SLC17A1: variants seen among roughly 807,000 people sequenced by gnomAD.
The protein encoded by SLC17A1 is solute carrier family 17 member 1, also known as sodium-dependent phosphate transport protein 1.
Under a neutral mutation model 53.5 loss-of-function variants are expected in SLC17A1, and 51 were observed. That is an observed-to-expected ratio of 0.95 (90% CI 0.76 to 1.20). The LOEUF (loss-of-function observed/expected upper bound fraction) is 1.20, where lower values mean the gene tolerates loss of function less well. SLC17A1 is among the 50% of genes most tolerant of loss of function. The pLI is 0.00. For synonymous variants in SLC17A1, 179 were observed against 198.8 expected, an observed-to-expected ratio of 0.90 and a Z score of 0.84; for missense variants, 538 against 568.2, an observed-to-expected ratio of 0.95 and a Z score of 0.54.
rs368681960 is a variant in SLC17A1, at chr6:25,813,196, C to T, written c.634G>A (p.Val212Ile). ...FYIFGACGCA[V>I]CLLWFVLFYD... Reference sequence around the variant, plus strand: ...AACAGAACGAACCAGAGAAGACATACGGCACAGCCACAAGCACCTATCAAA... The same window carrying T: ...AACAGAACGAACCAGAGAAGACATATGGCACAGCCACAAGCACCTATCAAA... Residue 212 changes from valine (V) to isoleucine (I), a missense_variant, in exon 7 of 13, where the codon GTA becomes ATA. Physicochemically the swap from Val to Ile is conservative, Grantham distance 29. Coordinates refer to ENST00000244527, the MANE Select transcript of SLC17A1 (RefSeq NM_005074.5). The T allele has an allele frequency of 2.4e-5, 39 of 1,613,874 alleles. No individual in the cohort carries two copies. Among genetic ancestry groups the T allele is most frequent in the East Asian group, 6.7e-5 (3 of 44,900 alleles).
chr6:25,812,609 C>T (rs1182892746), intron 8 of SLC17A1, among the ~76,000 whole-genome samples: 2 of 152,146 alleles, frequency 1.3e-5, no homozygotes, highest in Non-Finnish European at 2.9e-5. Context: ...AATATAGATG[C>T]ATGTGTGCTG....
At chr6:25,749,235 CTT>C in the SLC17A1 span, among the ~76,000 whole-genome samples, 1 of 152,218 alleles carries the variant, frequency 6.6e-6, no homozygotes, top group Non-Finnish European at 1.5e-5. Context: ...ATGGCGATGA[CTT>C]TTACCAAGCA....
the SLC17A1 span, among the ~76,000 whole-genome samples, chr6:25,772,929 T>A: frequency 6.6e-6 from 1 of 152,204 alleles, no homozygotes; most frequent in Non-Finnish European, 1.5e-5. Context: ...GACAGCTGGG[T>A]GGCTCCACTC....
chr6:25,826,093 T>C (rs1201674635), intron 3 of SLC17A1, among the ~76,000 whole-genome samples: 1 of 152,160 alleles, frequency 6.6e-6, no homozygotes, highest in Non-Finnish European at 1.5e-5. Context: ...AGAGATGAAA[T>C]TAATGAAACA....
At chr6:25,822,241 T>A (rs2151503029) in intron 3 of SLC17A1, among the ~76,000 whole-genome samples, 1 of 152,314 alleles carries the variant, frequency 6.6e-6, no homozygotes, top group East Asian at 1.9e-4. Context: ...TCTTTTTTTC[T>A]AAAATGTTTG....
At chr6:25,819,461 T>C (rs773478410) in intron 5 of SLC17A1, 50 bp downstream of exon 5, 9 of 1,395,450 alleles carry the variant, frequency 6.4e-6, no homozygotes, top group African/African-American at 1.4e-5. Flanking sequence ...AAGAATGTAA[T>C]ACAATGAGAT....
In SLC17A1 at chr6:25,783,326, G is replaced by A. The variant is rs1334319301; in HGVS notation, c.*3-108C>T. ...TTCAACATTTCAAAAAGATGGTCTC[G>A]TGTATTATATTTTTCTCAAGTTGTC... On this transcript the variant is annotated intron_variant, in intron 12 of 12. Coordinates refer to ENST00000244527, the MANE Select transcript of SLC17A1 (RefSeq NM_005074.5). 2.6e-5 allele frequency: 4 copies of A among 152,298 alleles called. No homozygotes were observed. The South Asian group carries it at 6.2e-4, about 24-fold the overall frequency. 9.4% of individuals were successfully genotyped at this position (152,298 alleles called of 1,614,324 possible).
chr6:25,745,573 G>A, the SLC17A1 span, among the ~76,000 whole-genome samples: 1 of 152,166 alleles, frequency 6.6e-6, no homozygotes, highest in African/African-American at 2.4e-5. Flanking sequence ...ATCATGGCAA[G>A]AACACCTTTT....
chr6:25,761,715 G>A, the SLC17A1 span, among the ~76,000 whole-genome samples: 1 of 152,076 alleles, frequency 6.6e-6, no homozygotes, highest in African/African-American at 2.4e-5. Flanking sequence ...TCTCACTTGC[G>A]AGATATAAAT....
chr6:25,748,397 A>T, the SLC17A1 span, among the ~76,000 whole-genome samples: 1 of 152,208 alleles, frequency 6.6e-6, no homozygotes, highest in African/African-American at 2.4e-5. Context: ...ACACCATAAG[A>T]AATTACAGAA....
chr6:25,732,663 G>T, the SLC17A1 span: 1 of 1,341,312 alleles, frequency 7.5e-7, no homozygotes. Flanking sequence ...AAGAAGACCC[G>T]CATCATCCCG....
chr6:25,804,618 A>G lies in SLC17A1; in HGVS notation c.1179-3638T>C, dbSNP rs369508570. 1.4e-3 allele frequency among the ~76,000 whole-genome samples: 208 copies of G among 152,206 alleles called. 1 individual carries two copies. Among genetic ancestry groups the G allele is most frequent in the African/African-American group, 4.8e-3 (199 of 41,580 alleles). ...ATTAATAAAAAAAATCACAAAACAA[A>G]TATTTGCTGTCTTAAAGAGACTCAC... On this transcript the variant is annotated intron_variant, in intron 10 of 12. Coordinates refer to ENST00000244527, the MANE Select transcript of SLC17A1 (RefSeq NM_005074.5).
intron 10 of SLC17A1, among the ~76,000 whole-genome samples, chr6:25,809,536 G>GA (rs1006415789): frequency 6.6e-5 from 10 of 151,564 alleles, no homozygotes; most frequent in Admixed American, 6.6e-4. Context: ...ATAGTTACAA[G>GA]AAAAAAATTC....
chr6:25,773,964 C>T, the SLC17A1 span, among the ~76,000 whole-genome samples: 1 of 151,896 alleles, frequency 6.6e-6, no homozygotes, highest in Non-Finnish European at 1.5e-5. Flanking sequence ...ATTTTAAGGG[C>T]CCTGTGCAAA....
the SLC17A1 span, among the ~76,000 whole-genome samples, chr6:25,728,747 G>A: frequency 1.3e-5 from 2 of 152,216 alleles, no homozygotes; most frequent in African/African-American, 4.8e-5. Flanking sequence ...CCGGGAGGCG[G>A]AGGTTGCAGT....
intron 12 of SLC17A1, among the ~76,000 whole-genome samples, chr6:25,788,747 G>A (rs901145555): frequency 1.3e-5 from 2 of 152,230 alleles, no homozygotes; most frequent in Non-Finnish European, 2.9e-5. Flanking sequence ...GGGCATCAGA[G>A]TGAGGGGTGT....
intron 10 of SLC17A1, among the ~76,000 whole-genome samples, chr6:25,810,657 T>A (rs1764121612): frequency 6.6e-6 from 1 of 152,134 alleles, no homozygotes; most frequent in Admixed American, 6.5e-5. Flanking sequence ...TTGGTGGGAA[T>A]GTAAATTAGT....
intron 6 of SLC17A1, among the ~76,000 whole-genome samples, chr6:25,814,983 T>TCTCACACACACA (rs773502408): frequency 9.3e-5 from 13 of 140,436 alleles, no homozygotes; most frequent in African/African-American, 3.5e-4. Flanking sequence ...CAAGACTCTG[T>TCTCACACACACA]CACACAAACA....
chr6:25,747,774 G>A, the SLC17A1 span, among the ~76,000 whole-genome samples: 1 of 152,162 alleles, frequency 6.6e-6, no homozygotes, highest in Non-Finnish European at 1.5e-5. Context: ...ATTGGGAAGT[G>A]GGCCCTCATC....
Sources: gnomAD v4.1 joint callset for allele counts (sites outside exome capture counted in the v4.1 genomes callset) on GRCh38, gnomAD v4.1.1 for gene constraint, MANE v1.5 for transcripts, NCBI Gene and HGNC (gene_info 2026-07-23, HGNC 2026-07-21) for gene names.